PIWIL3: variants seen among roughly 807,000 people sequenced by gnomAD.
The protein encoded by PIWIL3 is piwi like RNA-mediated gene silencing 3, also known as piwi-like protein 3.
Under a neutral mutation model 109.7 loss-of-function variants are expected in PIWIL3, and 101 were observed. That is an observed-to-expected ratio of 0.92 (90% confidence interval 0.78 to 1.09). The LOEUF is 1.09. Ranked by LOEUF, PIWIL3 falls within the 50% of genes least tolerant of loss-of-function variation. The probability of loss-of-function intolerance (pLI) is 0.00; values close to 1 mark genes in which losing one functional copy is unlikely to be tolerated. For synonymous variants in PIWIL3, 373 were observed against 376.4 expected (o/e 0.99, Z 0.10); for missense variants, 1,031 against 1,072.6 (o/e 0.96, Z 0.54).
At chr22:24,736,044 T>G in intron 12 of PIWIL3, 152 bp from the exon 13 acceptor site, 1 of 640,986 alleles carries the variant, frequency 1.6e-6, no homozygotes, top group Non-Finnish European at 2.5e-6. Context: ...CATTAAGATA[T>G]AGGTTAATAG....
chr22:24,773,703 ATTT>A lies in PIWIL3; in HGVS notation c.-23+616_-23+618del, dbSNP rs61034646. 3.0e-3 allele frequency among the ~76,000 whole-genome samples: 334 copies of A among 110,144 alleles called. 1 individual carries two copies. Among genetic ancestry groups the A allele is most frequent in the East Asian group, 0.017 (61 of 3,508 alleles). 72.3% of individuals were successfully genotyped at this position (110,144 alleles called of 152,430 possible). ...AAAGGATATGTACAAGACACTCTAG[ATTT>A]TTTTTTTTTTTTTTTTTTTTTGAGA... is the stretch of plus-strand genomic sequence containing the variant. On this transcript the variant is annotated intron_variant, in intron 1 of 20. Transcript: ENST00000616349.
At chr22:24,760,388 GA>G (rs1346508634) in intron 2 of PIWIL3, among the ~76,000 whole-genome samples, 2 of 152,152 alleles carry the variant, frequency 1.3e-5, no homozygotes, top group Non-Finnish European at 2.9e-5. Flanking sequence ...AACGTTCAAG[GA>G]AGAATGAGGC....
intron 1 of PIWIL3, among the ~76,000 whole-genome samples, chr22:24,773,746 AC>A: frequency 9.4e-6 from 1 of 106,124 alleles, no homozygotes. Context: ...AGTCTCACTC[AC>A]TCTGTTGCCC....
chr22:24,733,024 A>G (rs1923444099), intron 14 of PIWIL3, among the ~76,000 whole-genome samples: 1 of 152,214 alleles, frequency 6.6e-6, no homozygotes, highest in African/African-American at 2.4e-5. Context: ...ATACTCAAGT[A>G]ACAGGAAGCA....
intron 12 of PIWIL3, among the ~76,000 whole-genome samples, chr22:24,738,551 G>C (rs1463382711): frequency 6.6e-6 from 1 of 152,222 alleles, no homozygotes; most frequent in Non-Finnish European, 1.5e-5. Context: ...TCAGCACAGA[G>C]ACACAGAAAG....
rs142527423 is a variant in PIWIL3, at chr22:24,762,475, C to T, written c.25G>A (p.Ala9Thr). MPGRARTR[A>T]RGRARRRESY... Reference sequence around the variant, plus strand: ...TCCCTGCGGCGGGCTCTGCCTCGGGCGCGAGTCCTTGCCCTACCAGGCATT... The same window carrying T: ...TCCCTGCGGCGGGCTCTGCCTCGGGTGCGAGTCCTTGCCCTACCAGGCATT... Residue 9 changes from alanine to threonine, a missense_variant, in exon 2 of 21, where the codon GCC becomes ACC. Coordinates refer to ENST00000616349, the MANE Select transcript of PIWIL3 (RefSeq NM_001255975.1). The T allele has an allele frequency of 4.0e-5, 64 of 1,613,508 alleles. No individual in the cohort carries two copies. Among genetic ancestry groups the T allele is most frequent in the South Asian group, 6.6e-5 (6 of 90,980 alleles).
intron 16 of PIWIL3, among the ~76,000 whole-genome samples, chr22:24,727,155 T>C (rs1923047256): frequency 1.3e-5 from 2 of 152,368 alleles, no homozygotes; most frequent in South Asian, 2.1e-4. Context: ...TATGTGTTAA[T>C]GATCTCCATT....
chr22:24,764,625 C>CGTGTGTGTGT (rs140531011), intron 1 of PIWIL3, among the ~76,000 whole-genome samples: 11,509 of 134,552 alleles, frequency 0.086, 639 homozygotes, highest in East Asian at 0.14. Flanking sequence ...TTGACCTTGC[C>CGTGTGTGTGT]GTGTGTGTGT....
chr22:24,732,921 C>G (rs1923439058), intron 14 of PIWIL3, among the ~76,000 whole-genome samples: 1 of 151,896 alleles, frequency 6.6e-6, no homozygotes, highest in Non-Finnish European at 1.5e-5. Flanking sequence ...GCCAAAGCCC[C>G]TTTTACTCTG....
At chr22:24,724,611 A>G (rs915129685) in intron 18 of PIWIL3, among the ~76,000 whole-genome samples, 3 of 151,526 alleles carry the variant, frequency 2.0e-5, no homozygotes, top group African/African-American at 7.3e-5. Context: ...ATTTTTGTGT[A>G]TTTTTAGTAG....
At chr22:24,762,127 C>A (rs1925474928) in intron 2 of PIWIL3, among the ~76,000 whole-genome samples, 1 of 152,200 alleles carries the variant, frequency 6.6e-6, no homozygotes, top group South Asian at 2.1e-4. Flanking sequence ...TTGGCTGAAG[C>A]CAAGAAATCT....
At chr22:24,725,382 A>C in intron 17 of PIWIL3, 63 bp downstream of exon 17, 1 of 1,578,156 alleles carries the variant, frequency 6.3e-7, no homozygotes, top group East Asian at 2.2e-5. Flanking sequence ...TGGAGGCAGT[A>C]AGTCCATTGG....
At chr22:24,738,612 T>A (rs1023731631) in intron 12 of PIWIL3, among the ~76,000 whole-genome samples, 8 of 152,196 alleles carry the variant, frequency 5.3e-5, no homozygotes, top group African/African-American at 1.9e-4. Context: ...CTGGATCATA[T>A]CAAGATCATC....
chr22:24,757,615 TAC>T lies in PIWIL3; in HGVS notation c.355+291_355+292del, dbSNP rs139481317. Among the ~76,000 whole-genome samples the T allele has an allele frequency of 5.1e-3, 408 of 79,314 alleles. 4 individuals are homozygous for T. The highest frequency in any genetic ancestry group is 7.2e-3 in the Middle Eastern group (1 of 138). The allele number at this position is 79,314 out of a possible 152,430, so 52.0% of individuals were successfully genotyped here. ...AGACCGTGTCTCTACAAAATTTACATACACACACACACACACACACACATATA... is the reference window on the plus strand; with the variant it reads ...AGACCGTGTCTCTACAAAATTTACATACACACACACACACACACACATATA... On this transcript the variant is annotated intron_variant, in intron 4 of 20. Coordinates refer to ENST00000616349, the MANE Select transcript of PIWIL3 (RefSeq NM_001255975.1).
chr22:24,769,151 T>C (rs1925978866), intron 1 of PIWIL3, among the ~76,000 whole-genome samples: 1 of 152,252 alleles, frequency 6.6e-6, no homozygotes, highest in South Asian at 2.1e-4. Context: ...ATACATCCTA[T>C]GCACATCCTC....
chr22:24,742,145 T>A (rs1601835114), intron 12 of PIWIL3, among the ~76,000 whole-genome samples: 5 of 77,960 alleles, frequency 6.4e-5, no homozygotes, highest in Admixed American at 1.5e-4. Flanking sequence ...ACTTTTACAA[T>A]AGCTGCAAAA....
At chr22:24,758,900 T>TA (rs1456666912) in intron 3 of PIWIL3, among the ~76,000 whole-genome samples, 1 of 151,058 alleles carries the variant, frequency 6.6e-6, no homozygotes, top group East Asian at 1.9e-4. Context: ...ACAAACCACA[T>TA]ACTTTTATCT....
chr22:24,734,232 A>G, intron 13 of PIWIL3, 76 bp from the exon 14 acceptor site: 1 of 1,545,640 alleles, frequency 6.5e-7, no homozygotes, highest in Non-Finnish European at 8.7e-7. Flanking sequence ...CAAATTAAAT[A>G]CAAAGTAAGA....
At chr22:24,763,903 A>G (rs1925614460) in intron 1 of PIWIL3, among the ~76,000 whole-genome samples, 1 of 152,084 alleles carries the variant, frequency 6.6e-6, no homozygotes, top group South Asian at 2.1e-4. Flanking sequence ...TCTGTGCGCT[A>G]TGCACCGGCG....
Sources: allele counts gnomAD v4.1 joint callset (sites outside exome capture counted in the v4.1 genomes callset), GRCh38; gene constraint gnomAD v4.1.1; transcripts MANE v1.5; gene names NCBI Gene and HGNC (gene_info 2026-07-23, HGNC 2026-07-21).